RHOA: variants seen among roughly 807,000 people sequenced by gnomAD.
RHOA encodes the protein ras homolog family member A, also known as transforming protein RhoA.
A neutral mutation model predicts 17.5 loss-of-function variants in RHOA; 3 were observed. The observed-to-expected ratio is 0.17, with a 90% CI of 0.08 to 0.44. The LOEUF is 0.44. Among genes scored for constraint, RHOA ranks in the 20% least tolerant of loss-of-function variants. RHOA has a pLI of 0.99. For synonymous variants in RHOA, 98 were observed against 88.4 expected (o/e 1.11, Z -0.61); for missense variants, 56 against 242.3 (o/e 0.23, Z 5.10).
chr3:49,363,638 G>T (rs1003047369), intron 3 of RHOA, among the ~76,000 whole-genome samples: 2 of 151,968 alleles, frequency 1.3e-5, no homozygotes, highest in Non-Finnish European at 2.9e-5. Context: ...GATCACCAGA[G>T]GTCAGGAGTT....
At chr3:49,370,937 A>C (rs1303040632) in intron 2 of RHOA, among the ~76,000 whole-genome samples, 2 of 152,122 alleles carry the variant, frequency 1.3e-5, no homozygotes, top group Non-Finnish European at 2.9e-5. Context: ...CTTTTGCCCC[A>C]GGATGCATCA....
chr3:49,365,461 A>C (rs1190666752), intron 3 of RHOA, among the ~76,000 whole-genome samples: 1 of 152,036 alleles, frequency 6.6e-6, no homozygotes, highest in Non-Finnish European at 1.5e-5. Context: ...ATGTTCTGTT[A>C]GTAGGTGCTG....
intron 1 of RHOA, among the ~76,000 whole-genome samples, chr3:49,378,587 CTA>C (rs935805074): frequency 6.6e-6 from 1 of 151,818 alleles, no homozygotes; most frequent in Non-Finnish European, 1.5e-5. Context: ...TCTAACCTAT[CTA>C]TGTGTTTCTC....
At chr3:49,402,693 TC>T (rs1416998351) in intron 1 of RHOA, among the ~76,000 whole-genome samples, 1 of 151,568 alleles carries the variant, frequency 6.6e-6, no homozygotes, top group Admixed American at 6.6e-5. Flanking sequence ...CCAAAACTTG[TC>T]ATATTCTAGG....
intron 1 of RHOA, among the ~76,000 whole-genome samples, chr3:49,378,240 CTTTTTTTT>C (rs71077802): frequency 1.3e-4 from 8 of 60,714 alleles, no homozygotes; most frequent in African/African-American, 4.9e-4. Context: ...ATCCATCTAT[CTTTTTTTT>C]TTTTTTTTTT....
intron 1 of RHOA, among the ~76,000 whole-genome samples, chr3:49,401,051 A>AAAAAAAAAAAAAAAG (rs1336803583): frequency 6.6e-6 from 1 of 150,802 alleles, no homozygotes; most frequent in African/African-American, 2.4e-5. Context: ...CAAAAAAAAA[A>AAAAAAAAAAAAAAAG]AAAAAAAAAA....
intron 1 of RHOA, among the ~76,000 whole-genome samples, chr3:49,405,183 G>A (rs62261209): frequency 1.1e-4 from 17 of 150,208 alleles, no homozygotes; most frequent in Non-Finnish European, 2.2e-4. Flanking sequence ...GCTTGAACTC[G>A]GAGGGCGGAG....
chr3:49,374,045 T>C (rs1047994656), intron 2 of RHOA, among the ~76,000 whole-genome samples: 3 of 152,146 alleles, frequency 2.0e-5, no homozygotes, highest in African/African-American at 4.8e-5. Flanking sequence ...GGCTATTTTA[T>C]GTTAAAGTAA....
intron 1 of RHOA, among the ~76,000 whole-genome samples, chr3:49,404,366 AGGT>A: frequency 6.7e-6 from 1 of 149,792 alleles, no homozygotes; most frequent in Non-Finnish European, 1.5e-5. Context: ...AAGCCAAGGC[AGGT>A]GGATCACAAG....
chr3:49,363,594 G>A (rs1478204764), intron 3 of RHOA, among the ~76,000 whole-genome samples: 3 of 152,026 alleles, frequency 2.0e-5, no homozygotes, highest in African/African-American at 7.2e-5. Flanking sequence ...GCTCGTGCCT[G>A]TAATCCCAGC....
chr3:49,382,264 A>C (rs2048330224), intron 1 of RHOA, among the ~76,000 whole-genome samples: 1 of 152,042 alleles, frequency 6.6e-6, no homozygotes, highest in African/African-American at 2.4e-5. Context: ...GCTTGCAGTG[A>C]GCTAAGATCG....
At chr3:49,375,942 G>A (rs139467311) in intron 1 of RHOA, among the ~76,000 whole-genome samples, 37 of 152,020 alleles carry the variant, frequency 2.4e-4, no homozygotes, top group African/African-American at 8.0e-4. Context: ...CCAGCCTCCC[G>A]GGTTCAAGCA....
At chr3:49,389,324 AAAG>A (rs761348054) in intron 1 of RHOA, among the ~76,000 whole-genome samples, 3 of 152,054 alleles carry the variant, frequency 2.0e-5, no homozygotes, top group Non-Finnish European at 2.9e-5. Context: ...CCAAAAAAAA[AAAG>A]GAGCATAGTG....
At chr3:49,391,208 G>A (rs2048497186) in intron 1 of RHOA, among the ~76,000 whole-genome samples, 1 of 131,650 alleles carries the variant, frequency 7.6e-6, no homozygotes, top group African/African-American at 2.7e-5. Flanking sequence ...ACAGAGCAAC[G>A]CCGTCTCAAA....
At chr3:49,395,247 T>C (rs2048594742) in intron 1 of RHOA, among the ~76,000 whole-genome samples, 1 of 148,050 alleles carries the variant, frequency 6.8e-6, no homozygotes, top group Admixed American at 6.8e-5. Flanking sequence ...CAAGACTCCG[T>C]CTCAAAAAAA....
intron 1 of RHOA, among the ~76,000 whole-genome samples, chr3:49,383,314 G>A (rs2048347212): frequency 6.6e-6 from 1 of 150,852 alleles, no homozygotes; most frequent in South Asian, 2.1e-4. Flanking sequence ...CAGCTACTCG[G>A]GAGGCTGAGG....
chr3:49,396,298 G>A (rs1467318546), intron 1 of RHOA, among the ~76,000 whole-genome samples: 1 of 152,152 alleles, frequency 6.6e-6, no homozygotes, highest in African/African-American at 2.4e-5. Flanking sequence ...CCGGGGCCAG[G>A]CCTGGTGGCT....
intron 1 of RHOA, among the ~76,000 whole-genome samples, chr3:49,395,006 T>C (rs2048588734): frequency 1.3e-5 from 2 of 151,796 alleles, no homozygotes; most frequent in South Asian, 2.1e-4. Flanking sequence ...TCCCAGCACT[T>C]TGGGAGGCCG....
chr3:49,362,328 A>T (rs1342039575), intron 4 of RHOA, among the ~76,000 whole-genome samples, 168 bp downstream of exon 4: 1 of 152,076 alleles, frequency 6.6e-6, no homozygotes, highest in Admixed American at 6.5e-5. Context: ...GAACTATCTT[A>T]GGGATCTTCT....
Sources: gnomAD v4.1 joint callset for allele counts (sites outside exome capture counted in the v4.1 genomes callset) on GRCh38, gnomAD v4.1.1 for gene constraint, MANE v1.5 for transcripts, NCBI Gene and HGNC (gene_info 2026-07-23, HGNC 2026-07-21) for gene names.